RAP1A: variants seen among roughly 807,000 people sequenced by gnomAD.
The protein encoded by RAP1A is RAP1A, member of RAS oncogene family.
Under a neutral mutation model 26.4 loss-of-function variants are expected in RAP1A, and 6 were observed. That is an observed-to-expected ratio of 0.23 (90% confidence interval 0.12 to 0.45). RAP1A has a LOEUF of 0.45. Among genes scored for constraint, RAP1A ranks in the 20% least tolerant of loss-of-function variants. The probability of loss-of-function intolerance (pLI) is 0.99; values close to 1 mark genes in which losing one functional copy is unlikely to be tolerated. For missense variants in RAP1A, 121 were observed against 217.2 expected (o/e 0.56, Z 2.78); for synonymous variants, 73 against 79.4 (o/e 0.92, Z 0.43).
intron 1 of RAP1A, among the ~76,000 whole-genome samples, chr1:111,594,486 A>AGGAAGGAAGGACAGAT (rs1390070859): frequency 1.4e-5 from 2 of 140,698 alleles, no homozygotes; most frequent in Non-Finnish European, 3.0e-5. Context: ...AACGGAAGGA[A>AGGAAGGAAGGACAGAT]GGAAGGAAGG....
At position 111,623,268 on chromosome 1, in the gene RAP1A, C is replaced by G. The variant is rs185944727; in HGVS notation, c.-28+3334C>G. On this transcript the variant is annotated intron_variant, in intron 1 of 7. Coordinates refer to ENST00000369709, the MANE Select transcript of RAP1A (RefSeq NM_002884.4). The stretch of plus-strand genomic sequence containing the variant: ...CTCAAACTCCTGACCTCAAGTGATC[C>G]AGCCACCTTGGCCTCCAAAAGTGTT... 2.5e-4 allele frequency among the ~76,000 whole-genome samples: 38 copies of G among 152,186 alleles called. 1 individual carries two copies. In the East Asian group the frequency reaches 6.9e-3, roughly 28 times the overall value.
At chr1:111,700,656 A>G (rs983537362) in intron 4 of RAP1A, among the ~76,000 whole-genome samples, 18 of 152,280 alleles carry the variant, frequency 1.2e-4, no homozygotes, top group Middle Eastern at 6.8e-3. Flanking sequence ...TGCCTCTTCA[A>G]TATCTCTTTT....
intron 1 of RAP1A, among the ~76,000 whole-genome samples, chr1:111,607,553 C>T (rs1313020525): frequency 1.3e-5 from 2 of 151,564 alleles, no homozygotes; most frequent in African/African-American, 2.4e-5. Context: ...GGCGGCTGGC[C>T]GGGCAGAGGG....
At chr1:111,686,833 G>A (rs1259779177) in intron 1 of RAP1A, 1 of 151,066 alleles carries the variant, frequency 6.6e-6, no homozygotes, top group African/African-American at 2.4e-5. Context: ...TACTCTTATA[G>A]AAAGAAAAAA....
intron 1 of RAP1A, among the ~76,000 whole-genome samples, chr1:111,652,541 G>C (rs926758514): frequency 6.6e-6 from 1 of 151,792 alleles, no homozygotes; most frequent in Non-Finnish European, 1.5e-5. Context: ...GGCTCACAAA[G>C]CATAAAACAT....
At chr1:111,578,786 T>C (rs766966684) in intron 1 of RAP1A, among the ~76,000 whole-genome samples, 1 of 152,116 alleles carries the variant, frequency 6.6e-6, no homozygotes, top group Non-Finnish European at 1.5e-5. Flanking sequence ...GTGGGCTCAG[T>C]CCCACAAAAC....
intron 1 of RAP1A, among the ~76,000 whole-genome samples, chr1:111,620,184 C>T (rs1308162620): frequency 6.6e-6 from 1 of 152,196 alleles, no homozygotes; most frequent in Non-Finnish European, 1.5e-5. Context: ...GACTGTAGGC[C>T]TGCGGGAGAC....
chr1:111,621,457 C>T (rs1368201821), intron 1 of RAP1A, among the ~76,000 whole-genome samples: 1 of 152,010 alleles, frequency 6.6e-6, no homozygotes, highest in Non-Finnish European at 1.5e-5. Flanking sequence ...TCAGTGAATC[C>T]TGTCTAGTTT....
chr1:111,647,437 C>G (rs1660105790), intron 1 of RAP1A, among the ~76,000 whole-genome samples: 2 of 152,104 alleles, frequency 1.3e-5, no homozygotes, highest in Non-Finnish European at 2.9e-5. Context: ...GCGTTTGAAT[C>G]ATCCTGAATC....
intron 1 of RAP1A, among the ~76,000 whole-genome samples, chr1:111,596,335 C>A (rs1454986024): frequency 6.6e-6 from 1 of 152,160 alleles, no homozygotes; most frequent in Non-Finnish European, 1.5e-5. Context: ...AAGGAGGCCA[C>A]AGGACAGCTT....
chr1:111,701,238 G>T (rs1032855832), intron 4 of RAP1A, among the ~76,000 whole-genome samples: 1 of 152,026 alleles, frequency 6.6e-6, no homozygotes, highest in African/African-American at 2.4e-5. Context: ...CCTCCTTACA[G>T]CTTCTCATAC....
chr1:111,651,589 G>T (rs1214216807), intron 1 of RAP1A, among the ~76,000 whole-genome samples: 1 of 149,914 alleles, frequency 6.7e-6, no homozygotes, highest in Non-Finnish European at 1.5e-5. Flanking sequence ...TAATTCTTGT[G>T]CCTTAGCCTC....
chr1:111,694,759 A>G (rs1192860032), intron 2 of RAP1A, among the ~76,000 whole-genome samples: 1 of 152,212 alleles, frequency 6.6e-6, no homozygotes, highest in Non-Finnish European at 1.5e-5. Context: ...CTGGAACATA[A>G]TAGACATTCA....
chr1:111,631,806 G>A (rs1287220789), intron 1 of RAP1A, among the ~76,000 whole-genome samples: 1 of 151,730 alleles, frequency 6.6e-6, no homozygotes, highest in Non-Finnish European at 1.5e-5. Context: ...TAAATCATAC[G>A]GTGAAAATCC....
chr1:111,655,657 T>TA (rs1660430823), intron 1 of RAP1A, among the ~76,000 whole-genome samples: 1 of 112,956 alleles, frequency 8.9e-6, no homozygotes, highest in Non-Finnish European at 1.8e-5. Flanking sequence ...ATGTTCATAG[T>TA]CTTTTTTTTT....
At chr1:111,583,258 CCT>C (rs1658294136) in intron 1 of RAP1A, among the ~76,000 whole-genome samples, 1 of 149,064 alleles carries the variant, frequency 6.7e-6, no homozygotes, top group South Asian at 2.1e-4. Context: ...GAAGTCTACC[CCT>C]GATAGTGATA....
At chr1:111,593,588 A>G (rs1220853384) in intron 1 of RAP1A, among the ~76,000 whole-genome samples, 1 of 146,720 alleles carries the variant, frequency 6.8e-6, no homozygotes, top group Non-Finnish European at 1.5e-5. Context: ...ATGCTGCCCC[A>G]TAGGGCCAGC....
rs1662427985 is a variant in RAP1A at position 111,712,859 on chromosome 1, A to G, written c.*458A>G. The G allele has an allele frequency of 6.6e-6, 1 of 152,436 alleles. No homozygotes were observed. Among genetic ancestry groups the G allele is most frequent in the Non-Finnish European group, 1.5e-5 (1 of 67,934 alleles). 9.4% of individuals were successfully genotyped at this position (152,436 alleles called of 1,614,324 possible). A position where few individuals can be genotyped will look rare whatever the true frequency, so the allele number is the denominator to read the frequency against. On this transcript the variant is annotated 3_prime_UTR_variant, in exon 8 of 8. Transcript: ENST00000369709. ...CCCCTCAAACTCATTGCAGCAGATAACTTTTTTGAGTCATTGACTTCATTT... is the reference window on the plus strand; with the variant it reads ...CCCCTCAAACTCATTGCAGCAGATAGCTTTTTTGAGTCATTGACTTCATTT...
chr1:111,700,070 T>C (rs59449436), intron 4 of RAP1A, among the ~76,000 whole-genome samples: 19,663 of 152,100 alleles, frequency 0.13, 1,608 homozygotes, highest in South Asian at 0.18. Context: ...TTCCTCTTTA[T>C]CTCCCCTACC....
Sources: gnomAD v4.1 joint callset for allele counts (sites outside exome capture counted in the v4.1 genomes callset) on GRCh38, gnomAD v4.1.1 for gene constraint, MANE v1.5 for transcripts, NCBI Gene and HGNC (gene_info 2026-07-23, HGNC 2026-07-21) for gene names.